Variants in PPARGC1A observed in about 807,000 individuals in gnomAD.
PPARGC1A encodes peroxisome proliferator-activated receptor gamma coactivator 1-alpha.
In PPARGC1A, 25 loss-of-function variants were observed where a neutral mutation model predicts 88.7. The ratio of observed to expected loss-of-function variants is 0.28; its 90% confidence interval spans 0.21 to 0.39. PPARGC1A has a LOEUF of 0.39. PPARGC1A is among the 10% of genes least tolerant of loss of function. The pLI is 1.00. For missense variants in PPARGC1A, 880 were observed against 968.7 expected (o/e 0.91, Z 1.22); for synonymous variants, 363 against 355.6 (o/e 1.02, Z -0.24).
intron 1 of PPARGC1A, among the ~76,000 whole-genome samples, chr4:23,895,531 G>A (rs528794326): frequency 6.6e-5 from 10 of 152,064 alleles, no homozygotes; most frequent in Admixed American, 1.3e-4. Context: ...TAGCTTTGAG[G>A]TCTAAGCTCA....
the PPARGC1A span, among the ~76,000 whole-genome samples, chr4:24,072,574 G>T: frequency 6.6e-6 from 1 of 151,922 alleles, no homozygotes. Flanking sequence ...TTATATTTGA[G>T]TCCTCCAAGA....
At chr4:24,360,171 G>A in the PPARGC1A span, among the ~76,000 whole-genome samples, 1 of 152,162 alleles carries the variant, frequency 6.6e-6, no homozygotes, top group Admixed American at 6.5e-5. Flanking sequence ...CTGAATTGGA[G>A]CAAAAGGCTC....
chr4:24,261,365 A>G, the PPARGC1A span, among the ~76,000 whole-genome samples: 2 of 151,930 alleles, frequency 1.3e-5, no homozygotes, highest in African/African-American at 4.8e-5. Context: ...AGACCCACAC[A>G]CACTTCTGAA....
chr4:24,186,462 A>C, the PPARGC1A span, among the ~76,000 whole-genome samples: 1 of 152,022 alleles, frequency 6.6e-6, no homozygotes, highest in Non-Finnish European at 1.5e-5. Flanking sequence ...CCACATCCTG[A>C]CTGCGTGACC....
intron 2 of PPARGC1A, among the ~76,000 whole-genome samples, chr4:23,861,557 T>C (rs1731226904): frequency 6.6e-6 from 1 of 152,178 alleles, no homozygotes; most frequent in South Asian, 2.1e-4. Flanking sequence ...TCCCTGCTTA[T>C]AATGTAGGTG....
intron 2 of PPARGC1A, among the ~76,000 whole-genome samples, chr4:23,840,672 T>C (rs1053967149): frequency 6.6e-6 from 1 of 152,168 alleles, no homozygotes; most frequent in Non-Finnish European, 1.5e-5. Context: ...TGAGACCTAT[T>C]TGATTATTAT....
At chr4:23,945,675 C>G in the PPARGC1A span, among the ~76,000 whole-genome samples, 2 of 152,124 alleles carry the variant, frequency 1.3e-5, no homozygotes. Context: ...ACTGAGGAAG[C>G]CAGGGGCAGA....
At chr4:24,472,287 C>T in the PPARGC1A span, among the ~76,000 whole-genome samples, 2 of 151,920 alleles carry the variant, frequency 1.3e-5, no homozygotes, top group South Asian at 2.1e-4. The surrounding 1 kb of genome is among the most constrained non-coding windows in gnomAD (Gnocchi z 4.5). Flanking sequence ...CACCCCCTCC[C>T]GAGCCTCTGC....
chr4:24,180,344 C>A, the PPARGC1A span, among the ~76,000 whole-genome samples: 2 of 152,138 alleles, frequency 1.3e-5, no homozygotes, highest in Non-Finnish European at 2.9e-5. Context: ...GTGATAATAA[C>A]CATGAGATAA....
At chr4:24,469,486 A>G in the PPARGC1A span, among the ~76,000 whole-genome samples, 45 of 152,300 alleles carry the variant, frequency 3.0e-4, no homozygotes, top group Admixed American at 1.2e-3. Context: ...TACATCTCTC[A>G]TTTGTTTCTG....
At chr4:24,378,866 G>T in the PPARGC1A span, among the ~76,000 whole-genome samples, 27,405 of 152,094 alleles carry the variant, frequency 0.18, 2,662 homozygotes, top group Middle Eastern at 0.32. Flanking sequence ...CTATAGCAAA[G>T]ATTAGGTTTC....
the PPARGC1A span, among the ~76,000 whole-genome samples, chr4:23,962,089 G>A: frequency 6.6e-6 from 1 of 151,966 alleles, no homozygotes; most frequent in African/African-American, 2.4e-5. Context: ...AGCCAAATGA[G>A]CCCATCTTCC....
At chr4:23,945,086 G>T in the PPARGC1A span, among the ~76,000 whole-genome samples, 1 of 152,032 alleles carries the variant, frequency 6.6e-6, no homozygotes, top group African/African-American at 2.4e-5. Flanking sequence ...AAAGCCCATA[G>T]AATAGTGCCA....
the PPARGC1A span, among the ~76,000 whole-genome samples, chr4:24,417,811 T>C: frequency 1.3e-5 from 2 of 152,130 alleles, no homozygotes; most frequent in Non-Finnish European, 2.9e-5. Context: ...TTATAGATGA[T>C]ATAAATTTCT....
chr4:24,362,975 A>G, the PPARGC1A span, among the ~76,000 whole-genome samples: 558 of 152,348 alleles, frequency 3.7e-3, 1 homozygote, highest in Admixed American at 5.9e-3. Context: ...TTAGGAATTT[A>G]TATTTAGACG....
At chr4:24,424,261 T>C in the PPARGC1A span, among the ~76,000 whole-genome samples, 2 of 45,040 alleles carry the variant, frequency 4.4e-5, no homozygotes, top group Non-Finnish European at 9.4e-5. Flanking sequence ...ACACACACTT[T>C]TTTTTTTTTT....
the PPARGC1A span, among the ~76,000 whole-genome samples, chr4:24,187,406 T>C: frequency 6.6e-6 from 1 of 152,230 alleles, no homozygotes; most frequent in East Asian, 1.9e-4. Flanking sequence ...GTCTAGGATC[T>C]TCACTCTTAA....
chr4:24,298,044 C>CTCTT, the PPARGC1A span, among the ~76,000 whole-genome samples: 2 of 152,116 alleles, frequency 1.3e-5, no homozygotes, highest in African/African-American at 4.8e-5. Context: ...CTGATAGATC[C>CTCTT]TCTTACCAGC....
chr4:24,349,917 A>T, the PPARGC1A span, among the ~76,000 whole-genome samples: 1 of 152,150 alleles, frequency 6.6e-6, no homozygotes, highest in South Asian at 2.1e-4. Flanking sequence ...CTCCCGATGG[A>T]TCCCTGTGGT....
Sources: allele counts gnomAD v4.1 joint callset (sites outside exome capture counted in the v4.1 genomes callset), GRCh38; gene constraint gnomAD v4.1.1; non-coding constraint Gnocchi (gnomAD v3.1); transcripts MANE v1.5; gene names NCBI Gene and HGNC (gene_info 2026-07-23, HGNC 2026-07-21).